NAV3: variants seen among roughly 807,000 people sequenced by gnomAD.
The protein encoded by NAV3 is pore membrane and/or filament interacting like protein 1.
Under a neutral mutation model 244.7 loss-of-function variants are expected in NAV3, and 87 were observed. The ratio of observed to expected loss-of-function variants is 0.36; its 90% confidence interval spans 0.30 to 0.42. The LOEUF is 0.42. NAV3 is among the 20% of genes least tolerant of loss of function. NAV3 has a pLI of 1.00. For missense variants in NAV3, 2,663 were observed against 2,893.3 expected (o/e 0.92, Z 1.83); for synonymous variants, 1,126 against 1,042.2 (o/e 1.08, Z -1.55).
intron 2 of NAV3, among the ~76,000 whole-genome samples, chr12:77,627,579 A>C (rs1467011715): frequency 6.6e-6 from 1 of 152,146 alleles, no homozygotes; most frequent in Non-Finnish European, 1.5e-5. Flanking sequence ...AACTAAACAG[A>C]CCAATACTAA....
At position 78,057,843 on chromosome 12, in the gene NAV3, CT is replaced by C. The variant is rs566016604; in HGVS notation, c.2517-1152del. Among the ~76,000 whole-genome samples, 478 of 152,318 alleles carry C rather than the reference CT, an allele frequency of 3.1e-3. 5 individuals are homozygous for C. Among genetic ancestry groups the C allele is most frequent in the Non-Finnish European group, 4.3e-3 (294 of 68,034 alleles). Reference sequence around the variant, plus strand: ...GTCTACACTCAACCATCCTTACACACTGACCTTAGGAAACTGTCTGCATGTC... The same window carrying C: ...GTCTACACTCAACCATCCTTACACACGACCTTAGGAAACTGTCTGCATGTC... On this transcript the variant is annotated intron_variant, in intron 11 of 39. Coordinates refer to ENST00000397909, the MANE Select transcript of NAV3 (RefSeq NM_001024383.2).
At chr12:77,900,928 G>T (rs1331206380) in intron 1 of NAV3, among the ~76,000 whole-genome samples, 1 of 152,092 alleles carries the variant, frequency 6.6e-6, no homozygotes, top group Non-Finnish European at 1.5e-5. Context: ...AGCCATTCTG[G>T]CTGGTTTGAG....
At chr12:78,072,455 G>C (rs758447392) in intron 12 of NAV3, among the ~76,000 whole-genome samples, 1,112 of 103,366 alleles carry the variant, frequency 0.011, no homozygotes, top group South Asian at 0.025. Flanking sequence ...ATAAATTCCT[G>C]GACACATACA....
chr12:77,805,026 T>C (rs1240314335), intron 2 of NAV3, among the ~76,000 whole-genome samples: 1 of 152,172 alleles, frequency 6.6e-6, no homozygotes, highest in Non-Finnish European at 1.5e-5. Flanking sequence ...TTATGTGTCT[T>C]GAGACTACTG....
In NAV3 at chr12:78,210,638, T is replaced by A; in HGVS notation, c.*121T>A. 6 of 1,224,002 alleles carry A rather than the reference T, an allele frequency of 4.9e-6. No individual in the cohort carries two copies. Among genetic ancestry groups the A allele is most frequent in the Non-Finnish European group, 4.5e-6 (4 of 889,970 alleles). The allele number at this position is 1,224,002 out of a possible 1,614,324, so 75.8% of individuals were successfully genotyped here. A position where few individuals can be genotyped will look rare whatever the true frequency, so the allele number is the denominator to read the frequency against. ...TGTCAAGGGCCCTGACCCAGAGTTG[T>A]GGTCTCCAAGGAGGCAGCAGAACTA... On this transcript the variant is annotated 3_prime_UTR_variant, in exon 40 of 40. Coordinates refer to ENST00000397909, the MANE Select transcript of NAV3 (RefSeq NM_001024383.2).
At position 77,944,428 on chromosome 12, in the gene NAV3, G is replaced by T. The variant is rs190007244; in HGVS notation, c.414+3295G>T. ...GGCCCCAATTTTTTAGCCTGAATGG[G>T]TAAGTAATTACCATTAAACAAGATT... On this transcript the variant is annotated intron_variant, in intron 3 of 39. Transcript: ENST00000397909. Among the ~76,000 whole-genome samples, 245 of 152,184 alleles carry T rather than the reference G, an allele frequency of 1.6e-3. 1 individual carries two copies. Among genetic ancestry groups the T allele is most frequent in the Non-Finnish European group, 3.0e-3 (206 of 67,978 alleles).
At chr12:77,659,041 A>G (rs1873284382) in intron 2 of NAV3, among the ~76,000 whole-genome samples, 1 of 152,028 alleles carries the variant, frequency 6.6e-6, no homozygotes, top group African/African-American at 2.4e-5. Context: ...TTCAGGACAT[A>G]GGCATGGGCA....
intron 18 of NAV3, chr12:78,130,326 C>T (rs950157986): frequency 1.4e-4 from 29 of 204,066 alleles, no homozygotes; most frequent in South Asian, 3.8e-4. Context: ...CAATTTCATG[C>T]GATCATTTTT....
At chr12:77,966,360 TA>T (rs1892514172) in intron 4 of NAV3, 59 bp downstream of exon 4, 1 of 1,418,534 alleles carries the variant, frequency 7.0e-7, no homozygotes, top group African/African-American at 1.4e-5. Context: ...AATTATTTTT[TA>T]TAATGTAAGA....
chr12:77,684,601 G>A (rs927879720), intron 2 of NAV3, among the ~76,000 whole-genome samples: 1 of 152,014 alleles, frequency 6.6e-6, no homozygotes, highest in Non-Finnish European at 1.5e-5. Context: ...AGGATTACAG[G>A]CATAAGCCAC....
chr12:77,810,463 G>T (rs971473933), intron 2 of NAV3, among the ~76,000 whole-genome samples: 1 of 152,104 alleles, frequency 6.6e-6, no homozygotes, highest in Non-Finnish European at 1.5e-5. Context: ...GAGCCACAGC[G>T]CCTGACCCCC....
chr12:77,834,311 T>C (rs746279739), intron 1 of NAV3, among the ~76,000 whole-genome samples: 1 of 152,232 alleles, frequency 6.6e-6, no homozygotes, highest in Non-Finnish European at 1.5e-5. Context: ...TGGAGTTCTA[T>C]GTCTAACATA....
At chr12:77,854,162 G>A (rs1877988381) in intron 1 of NAV3, among the ~76,000 whole-genome samples, 1 of 152,130 alleles carries the variant, frequency 6.6e-6, no homozygotes, top group African/African-American at 2.4e-5. Flanking sequence ...AGCCTAATTA[G>A]TTACTGATAT....
At chr12:78,145,094 C>G in intron 20 of NAV3, 1 of 304,734 alleles carries the variant, frequency 3.3e-6, no homozygotes, top group South Asian at 2.7e-5. Context: ...TATTCAAAAA[C>G]CAAACTGTGT....
At chr12:78,074,597 G>A (rs956609821) in intron 12 of NAV3, among the ~76,000 whole-genome samples, 3 of 152,078 alleles carry the variant, frequency 2.0e-5, no homozygotes, top group South Asian at 2.1e-4. Flanking sequence ...TTAGCTACTC[G>A]GGAGGCTGGG....
At chr12:78,110,271 T>C (rs1955020960) in intron 12 of NAV3, among the ~76,000 whole-genome samples, 1 of 151,962 alleles carries the variant, frequency 6.6e-6, no homozygotes, top group African/African-American at 2.4e-5. Context: ...AAAACACTGA[T>C]GAAAGAAATT....
intron 30 of NAV3, among the ~76,000 whole-genome samples, chr12:78,183,528 C>T (rs1958586199): frequency 1.3e-5 from 2 of 151,930 alleles, no homozygotes; most frequent in Admixed American, 6.6e-5. Context: ...AGCAGCAGAA[C>T]TAATAATCAA....
chr12:77,627,942 C>T (rs1220993439), intron 2 of NAV3, among the ~76,000 whole-genome samples: 1 of 152,050 alleles, frequency 6.6e-6, no homozygotes, highest in Non-Finnish European at 1.5e-5. Context: ...CATGTTCTCA[C>T]TCATATGAAG....
At chr12:77,573,263 A>G (rs1361181565) in intron 2 of NAV3, among the ~76,000 whole-genome samples, 1 of 152,166 alleles carries the variant, frequency 6.6e-6, no homozygotes, top group Non-Finnish European at 1.5e-5. Context: ...TGGTGGAGGT[A>G]AGTTTAGAAG....
Sources: gnomAD v4.1 joint callset for allele counts (sites outside exome capture counted in the v4.1 genomes callset) on GRCh38, gnomAD v4.1.1 for gene constraint, MANE v1.5 for transcripts, NCBI Gene and HGNC (gene_info 2026-07-23, HGNC 2026-07-21) for gene names.